Variants in ZPBP observed in about 807,000 individuals in gnomAD.
ZPBP encodes the protein zona pellucida binding protein, also known as zona pellucida-binding protein 1.
A neutral mutation model predicts 44.8 loss-of-function variants in ZPBP; 26 were observed. The observed-to-expected ratio is 0.58, with a 90% CI of 0.43 to 0.81. The LOEUF (loss-of-function observed/expected upper bound fraction) is 0.81, where lower values mean the gene tolerates loss of function less well. Among genes scored for constraint, ZPBP ranks in the 30% least tolerant of loss-of-function variants. The probability of loss-of-function intolerance (pLI) is 0.00; values close to 1 mark genes in which losing one functional copy is unlikely to be tolerated. For missense variants in ZPBP, 409 were observed against 434.0 expected (o/e 0.94, Z 0.51); for synonymous variants, 174 against 153.2 (o/e 1.14, Z -1.00).
chr7:49,870,543 G>A (rs4916996), intron 2 of ZPBP, among the ~76,000 whole-genome samples: 37,739 of 152,078 alleles, frequency 0.25, 5,873 homozygotes, highest in Non-Finnish European at 0.35. Context: ...TGAGTAAGTG[G>A]GAGTGGTGAC....
intron 1 of ZPBP, chr7:49,918,189 T>A (rs1257746538): frequency 2.0e-5 from 3 of 152,182 alleles, no homozygotes; most frequent in African/African-American, 7.2e-5. Flanking sequence ...TGCAGAAAAG[T>A]AAATATAGGC....
intron 3 of ZPBP, among the ~76,000 whole-genome samples, chr7:50,078,878 C>G (rs2128849837): frequency 6.6e-6 from 1 of 150,498 alleles, no homozygotes; most frequent in Non-Finnish European, 1.5e-5. Flanking sequence ...TCAAGCAACT[C>G]CACTAAAAAA....
chr7:49,898,531 A>T (rs1792520483), intron 2 of ZPBP, among the ~76,000 whole-genome samples: 1 of 152,086 alleles, frequency 6.6e-6, no homozygotes, highest in East Asian at 1.9e-4. Flanking sequence ...TGCAGGCTAC[A>T]AAATTCTAGA....
intron 2 of ZPBP, among the ~76,000 whole-genome samples, chr7:49,879,712 CT>C (rs60010804): frequency 0.018 from 2,744 of 150,508 alleles, 88 homozygotes; most frequent in African/African-American, 0.065. Flanking sequence ...AATTCTTTCT[CT>C]TTGGTTCTTG....
chr7:49,872,915 C>CAAAAAAAAAAAAAAAAAAAA, intron 2 of ZPBP, among the ~76,000 whole-genome samples: 45 of 33,936 alleles, frequency 1.3e-3, no homozygotes, highest in South Asian at 3.3e-3. Flanking sequence ...GACTTTGTCT[C>CAAAAAAAAAAAAAAAAAAAA]AAAAAAAAAA....
At chr7:49,861,977 T>C (rs1479263306) in intron 2 of ZPBP, among the ~76,000 whole-genome samples, 2 of 152,350 alleles carry the variant, frequency 1.3e-5, no homozygotes, top group East Asian at 1.9e-4. Flanking sequence ...TGCAATTCCA[T>C]ATGAATTTTA....
intron 1 of ZPBP, chr7:49,914,226 C>T (rs894345813): frequency 3.3e-5 from 5 of 152,240 alleles, no homozygotes; most frequent in Non-Finnish European, 7.3e-5. Flanking sequence ...AGACTCAGTC[C>T]ATGCAGCTCA....
intron 2 of ZPBP, among the ~76,000 whole-genome samples, chr7:49,874,550 G>C (rs199713365): frequency 6.4e-5 from 2 of 31,424 alleles, no homozygotes; most frequent in Admixed American, 6.0e-4. Flanking sequence ...GACTATATAT[G>C]TGTGTGTGTG....
Position 49,852,847 on chromosome 7 carries a change from G to A in ZPBP, n.510-2333C>T, listed in dbSNP as rs556795471. Among the ~76,000 whole-genome samples, 11 of 152,318 alleles carry A rather than the reference G, an allele frequency of 7.2e-5. No individual in the cohort carries two copies. In the East Asian group the frequency reaches 7.7e-4, roughly 11 times the overall value. On this transcript the variant is annotated intron_variant and non_coding_transcript_variant, in intron 2 of 2. Coordinates refer to the ZPBP transcript ENST00000465922. ...GGACTCCGTCTCCATCTAGTGACTG[G>A]CTCCTTGAACTACAGTTGCAGATGG...
intron 7 of ZPBP, chr7:49,943,382 G>T (rs1371194692): frequency 1.3e-5 from 5 of 377,134 alleles, no homozygotes; most frequent in African/African-American, 4.3e-5. Flanking sequence ...ACATATCAAG[G>T]TAATGTATTT....
At chr7:49,900,064 A>G (rs1229688484) in intron 2 of ZPBP, among the ~76,000 whole-genome samples, 1 of 152,012 alleles carries the variant, frequency 6.6e-6, no homozygotes, top group East Asian at 1.9e-4. Context: ...ATAAACTTAT[A>G]AATAACACAT....
intron 7 of ZPBP, among the ~76,000 whole-genome samples, chr7:49,977,272 G>A (rs1407001375): frequency 2.6e-5 from 4 of 151,962 alleles, no homozygotes; most frequent in Admixed American, 2.6e-4. Context: ...ATGTCTTTGT[G>A]GGTCGAAAAG....
chr7:49,960,020 T>C (rs991431982), intron 7 of ZPBP, among the ~76,000 whole-genome samples: 2 of 152,242 alleles, frequency 1.3e-5, no homozygotes, highest in African/African-American at 4.8e-5. Context: ...CATTAAGATA[T>C]GATATCTTTA....
intron 4 of ZPBP, among the ~76,000 whole-genome samples, chr7:50,053,732 G>A (rs1277066333): frequency 6.6e-6 from 1 of 152,032 alleles, no homozygotes; most frequent in Non-Finnish European, 1.5e-5. Context: ...AGTATCATCT[G>A]GTGGTTTTGT....
chr7:49,987,635 C>A (rs1304132684), intron 6 of ZPBP, among the ~76,000 whole-genome samples: 1 of 151,926 alleles, frequency 6.6e-6, no homozygotes, highest in African/African-American at 2.4e-5. Flanking sequence ...TTAGAGAGTT[C>A]CATCCAGAGG....
intron 6 of ZPBP, among the ~76,000 whole-genome samples, chr7:50,007,288 G>C (rs1364434934): frequency 6.6e-6 from 1 of 151,920 alleles, no homozygotes; most frequent in African/African-American, 2.4e-5. Context: ...GGATAACCTA[G>C]ATAAAATGGA....
At chr7:49,925,832 GC>G (rs1794217271) in intron 1 of ZPBP, among the ~76,000 whole-genome samples, 1 of 152,170 alleles carries the variant, frequency 6.6e-6, no homozygotes, top group African/African-American at 2.4e-5. Flanking sequence ...CTAAAATAGG[GC>G]AGTCACTATC....
chr7:49,966,107 C>T (rs968731655), intron 7 of ZPBP, among the ~76,000 whole-genome samples: 1 of 152,028 alleles, frequency 6.6e-6, no homozygotes, highest in Non-Finnish European at 1.5e-5. Flanking sequence ...AATAACAGAA[C>T]TTAAAAATAC....
chr7:49,934,560 T>G (rs1483620638), downstream of ZPBP, among the ~76,000 whole-genome samples: 1 of 152,176 alleles, frequency 6.6e-6, no homozygotes, highest in East Asian at 1.9e-4. Context: ...CACATGTGTA[T>G]ATAATCTTAA....
Sources: gnomAD v4.1 joint callset for allele counts (sites outside exome capture counted in the v4.1 genomes callset) on GRCh38, gnomAD v4.1.1 for gene constraint, MANE v1.5 for transcripts, NCBI Gene and HGNC (gene_info 2026-07-23, HGNC 2026-07-21) for gene names.